Variants in SLC4A1 observed in about 807,000 individuals in gnomAD.
SLC4A1 encodes the protein band 3 anion transport protein.
In SLC4A1, 29 loss-of-function variants were observed where a neutral mutation model predicts 93.1. The ratio of observed to expected loss-of-function variants is 0.31; its 90% CI spans 0.23 to 0.42. The LOEUF (loss-of-function observed/expected upper bound fraction) is 0.42. Among genes scored for constraint, SLC4A1 ranks in the 20% least tolerant of loss-of-function variants. The pLI, the probability that SLC4A1 is intolerant of heterozygous loss-of-function variation, is 1.00. For synonymous variants in SLC4A1, 469 were observed against 497.2 expected (o/e 0.94, Z 0.76); for missense variants, 965 against 1,190.1 (o/e 0.81, Z 2.78).
chr17:44,260,832 CTGAG>C lies in SLC4A1; in HGVS notation c.169-21_169-18del. On this transcript the variant is annotated intron_variant, in intron 4 of 19. Coordinates refer to ENST00000262418, the MANE Select transcript of SLC4A1 (RefSeq NM_000342.4). ...CACATAGACCTGTGGCCCCATGCGC[CTGAG>C]TTAGTTCATCAGGCATAGTCCAGGG... 6.2e-7 allele frequency: 1 copy of C among 1,608,888 alleles called. No individual in the cohort carries two copies. Among genetic ancestry groups the C allele is most frequent in the East Asian group, 2.2e-5 (1 of 44,876 alleles).
chr17:44,264,954 C>T (rs1218952698), intron 1 of SLC4A1, among the ~76,000 whole-genome samples: 3 of 140,360 alleles, frequency 2.1e-5, no homozygotes, highest in Non-Finnish European at 4.5e-5. Context: ...CTGTGCCTGG[C>T]ATTGTGTTGA....
In SLC4A1 at chr17:44,259,793, C is replaced by T. The variant is rs768909714; in HGVS notation, c.609+16G>A. On this transcript the variant is annotated intron_variant, in intron 7 of 19. Transcript: ENST00000262418. ...GCCCCACCCTGACCCTGACCCTGAC[C>T]CTGTAACTGACTCACCTGCTCACAG... 109 of 1,613,808 alleles carry T rather than the reference C, an allele frequency of 6.8e-5. No individual in the cohort carries two copies. The highest frequency in any genetic ancestry group is 8.9e-5 in the Non-Finnish European group (105 of 1,180,022).
chr17:44,261,755 G>T, intron 3 of SLC4A1, 119 bp from the exon 4 acceptor site: 1 of 1,543,452 alleles, frequency 6.5e-7, no homozygotes. Flanking sequence ...CCAGTGCCCT[G>T]GGCTGGGTCT....
chr17:44,255,477 T>A (rs906315131), intron 14 of SLC4A1, among the ~76,000 whole-genome samples, 181 bp from the exon 15 acceptor site: 1 of 152,160 alleles, frequency 6.6e-6, no homozygotes, highest in African/African-American at 2.4e-5. Flanking sequence ...GTTCTCAGGC[T>A]GGGCATGCCA....
chr17:44,256,613 G>A (rs2047391205), intron 13 of SLC4A1, among the ~76,000 whole-genome samples: 1 of 152,244 alleles, frequency 6.6e-6, no homozygotes, highest in Non-Finnish European at 1.5e-5. Context: ...AGGGGAGGGA[G>A]TGGGGGACTT....
chr17:44,260,652 C>T lies in SLC4A1; in HGVS notation c.332G>A (p.Arg111His), dbSNP rs767615788. ...HLTFWSLLEL[R>H]RVFTKGTVLL... is the part of the protein sequence containing the mutation. The stretch of plus-strand genomic sequence containing the variant: ...AGGCTCACCCTTGGTGAAGACTCTA[C>T]GCAGCTCTAGGAGGCTCCAGAAGGT... The change falls in exon 5 of 20, where the codon CGT becomes CAT. Residue 111 changes from arginine (R) to histidine (H), a missense_variant. Around this residue, in one of 2 missense-constraint regions of SLC4A1, gnomAD observed 195 missense variants for 183.5 expected, o/e 1.06. Transcript: ENST00000262418. The T allele has an allele frequency of 3.7e-6, 6 of 1,614,050 alleles. No homozygotes were observed. Among genetic ancestry groups the T allele is most frequent in the East Asian group, 2.2e-5 (1 of 44,896 alleles).
At chr17:44,262,494 C>T (rs2047454455) in intron 3 of SLC4A1, 142 bp downstream of exon 3, 6 of 668,492 alleles carry the variant, frequency 9.0e-6, no homozygotes, top group Admixed American at 2.4e-5. Flanking sequence ...TCTGTTTATC[C>T]TTCAATCAGC....
At position 44,260,314 on chromosome 17, in the gene SLC4A1, C is replaced by T. The variant is rs2047431388; in HGVS notation, c.485+90G>A. The T allele has an allele frequency of 9.9e-6, 15 of 1,518,164 alleles. No homozygotes were observed. In the Admixed American group the frequency reaches 2.2e-4, roughly 22 times the overall value. The allele number at this position is 1,518,164 out of a possible 1,614,324, so 94.0% of individuals were successfully genotyped here. A position where few individuals can be genotyped will look rare whatever the true frequency, so the allele number is the denominator to read the frequency against. The stretch of plus-strand genomic sequence containing the variant: ...GGCCCCTGCCTGGTGAGGGTAGGGC[C>T]ACCTGGATCCCGGGGGAGAACTTGG... On this transcript the variant is annotated intron_variant, in intron 6 of 19. Transcript: ENST00000262418.
At chr17:44,257,631 A>G in intron 12 of SLC4A1, 28 bp downstream of exon 12, 1 of 1,613,536 alleles carries the variant, frequency 6.2e-7, no homozygotes, top group Non-Finnish European at 8.5e-7. Context: ...GGGACATGAC[A>G]GGGTCAGTGG....
intron 9 of SLC4A1, 145 bp downstream of exon 9, chr17:44,259,018 G>A (rs1406104545): frequency 3.5e-5 from 31 of 876,668 alleles, no homozygotes; most frequent in Admixed American, 2.7e-4. Flanking sequence ...GACTGCCCCC[G>A]CCAGGTAGGA....
chr17:44,262,589 C>T, intron 3 of SLC4A1, 47 bp downstream of exon 3: 1 of 1,452,104 alleles, frequency 6.9e-7, no homozygotes, highest in Non-Finnish European at 9.5e-7. Flanking sequence ...CTGTCCCTGT[C>T]TAGGGCTCAG....
chr17:44,257,653 A>T lies in SLC4A1; in HGVS notation c.1431+6T>A. 1 of 1,613,642 alleles carries T rather than the reference A, an allele frequency of 6.2e-7. No homozygotes were observed. The highest frequency in any genetic ancestry group is 8.5e-7 in the Non-Finnish European group (1 of 1,179,932). On this transcript the variant is annotated splice_donor_region_variant and intron_variant, in intron 12 of 19. Transcript: ENST00000262418. Reference sequence around the variant, plus strand: ...GACAGGGTCAGTGGGGCAAGGACAGAACTACCGAGAAGAAGGCTTCCTCAA... The same window carrying T: ...GACAGGGTCAGTGGGGCAAGGACAGTACTACCGAGAAGAAGGCTTCCTCAA...
Position 44,255,216 on chromosome 17 carries a change from G to C in SLC4A1, c.1881C>G (p.Thr627=). The change falls in exon 15 of 20, where the codon ACC becomes ACG. Residue 627 remains threonine (T), a synonymous_variant. Transcript: ENST00000262418. The part of the protein sequence containing the change: ...MVLVDFFIQD[T]YTQKLSVPDG... Reference sequence around the variant, plus strand: ...TGGGAGGAGGGGTCACCTGGGTGTAGGTATCCTGAATGAAGAAATCCACCA... The same window carrying C: ...TGGGAGGAGGGGTCACCTGGGTGTACGTATCCTGAATGAAGAAATCCACCA... The C allele has an allele frequency of 6.4e-7, 1 of 1,555,224 alleles. No homozygotes were observed. Among genetic ancestry groups the C allele is most frequent in the Non-Finnish European group, 8.7e-7 (1 of 1,148,236 alleles).
At position 44,258,305 on chromosome 17, in the gene SLC4A1, G is replaced by A; in HGVS notation, c.1087+108C>T. 1.4e-6 allele frequency: 2 copies of A among 1,417,834 alleles called. No individual in the cohort carries two copies. The highest frequency in any genetic ancestry group is 2.0e-6 in the Non-Finnish European group (2 of 1,003,300). 87.8% of individuals were successfully genotyped at this position (1,417,834 alleles called of 1,614,324 possible). On this transcript the variant is annotated intron_variant, in intron 10 of 19. Transcript: ENST00000262418. The surrounding 1 kb of genome is among the most constrained non-coding windows in gnomAD (Gnocchi z 6.1). ...GCGGCGAAGAAGTCTGGAAGATGTG[G>A]GCAAAGGGAGCGATGAGAGGGGAAC... is the stretch of plus-strand genomic sequence containing the variant.
rs770780637 is a variant in SLC4A1, at chr17:44,251,458, C to G, written c.2442G>C (p.Lys814Asn). 1 of 1,614,084 alleles carries G rather than the reference C, an allele frequency of 6.2e-7. No homozygotes were observed. Among genetic ancestry groups the G allele is most frequent in the Non-Finnish European group, 8.5e-7 (1 of 1,180,056 alleles). Residue 814 changes from lysine (K) to asparagine (N), a missense_variant, in exon 18 of 20, where the codon AAG becomes AAC. Lys to Asn is a moderately conservative substitution (Grantham distance 94). Around this residue, in one of 2 missense-constraint regions of SLC4A1, gnomAD observed 770 missense variants for 1,006.6 expected, o/e 0.76. Coordinates refer to ENST00000262418, the MANE Select transcript of SLC4A1 (RefSeq NM_000342.4). The part of the protein sequence containing the change: ...QLFDRILLLF[K>N]PPKYHPDVPY... The stretch of plus-strand genomic sequence containing the variant: ...GCACATCTGGGTGATACTTGGGTGG[C>G]TTGAACAGAAGCAAGATGCGGTCAA...
intron 14 of SLC4A1, 85 bp downstream of exon 14, chr17:44,255,588 A>G (rs2047381646): frequency 7.4e-7 from 1 of 1,349,932 alleles, no homozygotes; most frequent in South Asian, 1.2e-5. Context: ...AAGGGAAGCT[A>G]AGGGCACTGA....
At chr17:44,252,337 G>A (rs1380428412) in intron 17 of SLC4A1, among the ~76,000 whole-genome samples, 4 of 151,966 alleles carry the variant, frequency 2.6e-5, no homozygotes, top group African/African-American at 7.3e-5. Context: ...GGCCTCTATC[G>A]GTCCTTTTTA....
chr17:44,254,552 G>A lies in SLC4A1; in HGVS notation c.2001C>T (p.Ser667=), dbSNP rs375213766. 4.5e-5 allele frequency: 73 copies of A among 1,614,088 alleles called. No individual in the cohort carries two copies. The highest frequency in any genetic ancestry group is 3.5e-4 in the South Asian group (32 of 91,080). Reference sequence around the variant, plus strand: ...TGAAGACCAGCAGAGCAGGCAGGGCGGAGGCAAACATCATCCAGATGGGAA... The same window carrying A: ...TGAAGACCAGCAGAGCAGGCAGGGCAGAGGCAAACATCATCCAGATGGGAA... ...SEFPIWMMFA[S]ALPALLVFIL... is the part of the protein sequence containing the mutation. The change falls in exon 16 of 20, where the codon TCC becomes TCT. Residue 667 remains serine, a synonymous_variant. Coordinates refer to ENST00000262418, the MANE Select transcript of SLC4A1 (RefSeq NM_000342.4).
At chr17:44,254,929 A>T (rs2047375256) in intron 15 of SLC4A1, among the ~76,000 whole-genome samples, 1 of 152,166 alleles carries the variant, frequency 6.6e-6, no homozygotes, top group Non-Finnish European at 1.5e-5. Context: ...CAGAGCTGGG[A>T]TTCATGCCTA....
Sources: gnomAD v4.1 joint callset for allele counts (sites outside exome capture counted in the v4.1 genomes callset) on GRCh38, gnomAD v4.1.1 for gene constraint, gnomAD v4.1.1 regional missense constraint, Gnocchi (gnomAD v3.1) non-coding constraint, MANE v1.5 for transcripts, NCBI Gene and HGNC (gene_info 2026-07-23, HGNC 2026-07-21) for gene names.